The following SLC30A10 variants were observed in gnomAD, a reference collection of about 807,000 sequenced individuals.
SLC30A10 encodes the protein solute carrier family 30 member 10.
Under a neutral mutation model 21.7 loss-of-function variants are expected in SLC30A10, and 8 were observed. That is an observed-to-expected ratio of 0.37 (90% CI 0.22 to 0.67). The LOEUF is 0.67. SLC30A10 is among the 30% of genes least tolerant of loss of function. SLC30A10 has a pLI of 0.58. For missense variants in SLC30A10, 521 were observed against 642.5 expected, an observed-to-expected ratio of 0.81 and a Z score of 2.04; for synonymous variants, 272 against 279.4, an observed-to-expected ratio of 0.97 and a Z score of 0.26.
intron 1 of SLC30A10, 82 bp downstream of exon 1, chr1:219,927,719 A>AGGGCGT: frequency 8.4e-7 from 1 of 1,196,048 alleles, no homozygotes; most frequent in Non-Finnish European, 1.1e-6. Flanking sequence ...GAAGAAAAAG[A>AGGGCGT]GGGCGTGGGG....
chr1:219,940,287 T>C (rs1348023090), intron 1 of SLC30A10, among the ~76,000 whole-genome samples: 6 of 152,148 alleles, frequency 3.9e-5, no homozygotes, highest in African/African-American at 1.2e-4. Context: ...GTCCTATACA[T>C]TGAGACCTTC....
At chr1:219,919,776 C>CA (rs34386881) in intron 2 of SLC30A10, among the ~76,000 whole-genome samples, 2,922 of 114,456 alleles carry the variant, frequency 0.026, 70 homozygotes, top group Admixed American at 0.098. Flanking sequence ...AACTCTGTCT[C>CA]AAAAAAAAAA....
upstream of SLC30A10, among the ~76,000 whole-genome samples, chr1:219,933,356 C>A (rs1312471969): frequency 6.6e-6 from 1 of 152,120 alleles, no homozygotes; most frequent in Admixed American, 6.6e-5. Flanking sequence ...GAGAAAATAC[C>A]AGACTCTAAA....
chr1:219,918,301 G>A lies in SLC30A10; in HGVS notation c.912C>T (p.Ala304=), dbSNP rs1160605661. 6 of 1,614,110 alleles carry A rather than the reference G, an allele frequency of 3.7e-6. No homozygotes were observed. Among genetic ancestry groups the A allele is most frequent in the Non-Finnish European group, 5.1e-6 (6 of 1,180,024 alleles). Reference sequence around the variant, plus strand: ...CTTTTGGGACCATCTGTAGCAGAATGGCAGCGGTCTCCTTGATAAGCGGGA... The same window carrying A: ...CTTTTGGGACCATCTGTAGCAGAATAGCAGCGGTCTCCTTGATAAGCGGGA... ...SAFPLIKETA[A]ILLQMVPKGV... is the part of the protein sequence containing the mutation. Residue 304 remains alanine, a synonymous_variant, in exon 3 of 4, where the codon GCC becomes GCT. Transcript: ENST00000366926. The surrounding 1 kb of genome is among the most constrained non-coding windows in gnomAD (Gnocchi z 4.4).
chr1:219,949,378 C>T (rs552141303), intron 1 of SLC30A10, among the ~76,000 whole-genome samples: 110 of 152,176 alleles, frequency 7.2e-4, no homozygotes, highest in African/African-American at 2.6e-3. Context: ...CAATGATAGA[C>T]TGGATTAAGA....
chr1:219,920,097 A>C (rs1351858769), intron 2 of SLC30A10, among the ~76,000 whole-genome samples: 3 of 152,116 alleles, frequency 2.0e-5, no homozygotes, highest in Admixed American at 6.5e-5. Context: ...AATTTTCCCC[A>C]AAAAAATACA....
intron 1 of SLC30A10, among the ~76,000 whole-genome samples, chr1:219,935,329 A>G (rs1279983003): frequency 6.6e-6 from 1 of 152,222 alleles, no homozygotes; most frequent in African/African-American, 2.4e-5. Flanking sequence ...ATTTCGCCTT[A>G]ATTTTTAGAC....
chr1:219,911,883 G>A lies in SLC30A10; in HGVS notation c.*3566C>T, dbSNP rs1659422580. Among the ~76,000 whole-genome samples, 1 of 151,970 alleles carries A rather than the reference G, an allele frequency of 6.6e-6. No individual in the cohort carries two copies. Among genetic ancestry groups the A allele is most frequent in the African/African-American group, 2.4e-5 (1 of 41,362 alleles). On this transcript the variant is annotated 3_prime_UTR_variant, in exon 4 of 4. Coordinates refer to ENST00000366926, the MANE Select transcript of SLC30A10 (RefSeq NM_018713.3). The stretch of plus-strand genomic sequence containing the variant: ...GGAGACATTGGTTGTCACAACTTCG[G>A]GGGACAGTACCGGCATTTATGCATA...
rs1418323125 is a variant in SLC30A10 at position 219,954,700 on chromosome 1, A to C, written n.80+3868T>G. On this transcript the variant is annotated intron_variant and non_coding_transcript_variant, in intron 1 of 8. Transcript: ENST00000484239. ...CATCTCAAAAAAAAAAAAAAAAAAA[A>C]AAAACTTAAATTCAAAGGAAAGGCA... 2.6e-5 allele frequency among the ~76,000 whole-genome samples: 4 copies of C among 151,980 alleles called. No homozygotes were observed. The South Asian group carries it at 6.2e-4, about 24-fold the overall frequency.
intron 1 of SLC30A10, among the ~76,000 whole-genome samples, chr1:219,941,436 G>A (rs556795045): frequency 6.6e-6 from 1 of 152,148 alleles, no homozygotes; most frequent in Admixed American, 6.6e-5. Flanking sequence ...TGTAGACAGA[G>A]CCCAAAGCAG....
chr1:219,958,495 A>G (rs1298586767), intron 1 of SLC30A10: 3 of 152,608 alleles, frequency 2.0e-5, no homozygotes, highest in African/African-American at 7.2e-5. Context: ...GGATAGCACC[A>G]CAAAGGCCCC....
chr1:219,944,219 G>A (rs548443675), intron 1 of SLC30A10, among the ~76,000 whole-genome samples: 32 of 151,636 alleles, frequency 2.1e-4, no homozygotes, highest in African/African-American at 5.1e-4. Context: ...AGGCCAAGGC[G>A]GGCAGATCAC....
At chr1:219,923,145 T>C (rs1282305399) in intron 2 of SLC30A10, among the ~76,000 whole-genome samples, 1 of 152,206 alleles carries the variant, frequency 6.6e-6, no homozygotes, top group Non-Finnish European at 1.5e-5. Flanking sequence ...GACCATACCC[T>C]GTATGCGGCC....
In SLC30A10 at chr1:219,914,988, T is replaced by G. The variant is rs147167207; in HGVS notation, c.*461A>C. The stretch of plus-strand genomic sequence containing the variant: ...CAGTGCCAGAAATACTTAACTTGCC[T>G]CTTTTATGATCGTTAAGGGGATTGG... On this transcript the variant is annotated 3_prime_UTR_variant, in exon 4 of 4. Coordinates refer to ENST00000366926, the MANE Select transcript of SLC30A10 (RefSeq NM_018713.3). 4 of 154,318 alleles carry G rather than the reference T, an allele frequency of 2.6e-5. No homozygotes were observed. The highest frequency in any genetic ancestry group is 9.6e-5 in the African/African-American group (4 of 41,480). The allele number at this position is 154,318 out of a possible 1,614,324, so 9.6% of individuals were successfully genotyped here.
In SLC30A10 at chr1:219,911,859, G is replaced by A. The variant is rs1659422032; in HGVS notation, c.*3590C>T. On this transcript the variant is annotated 3_prime_UTR_variant, in exon 4 of 4. Coordinates refer to ENST00000366926, the MANE Select transcript of SLC30A10 (RefSeq NM_018713.3). ...CCCAGGTTATATGTGGCAATGTCTG[G>A]AGACATTGGTTGTCACAACTTCGGG... 6.6e-6 allele frequency among the ~76,000 whole-genome samples: 1 copy of A among 151,960 alleles called. No homozygotes were observed. The highest frequency in any genetic ancestry group is 2.4e-5 in the African/African-American group (1 of 41,376).
Position 219,917,708 on chromosome 1 carries a change from C to CT in SLC30A10, c.958+546dup, listed in dbSNP as rs35106027. ...TGCATTCTTTTCTTTTTTTTCTTTC[C>CT]TTTTTTTTTTTTTTTTTTTTGAGTC... On this transcript the variant is annotated intron_variant, in intron 3 of 3. Transcript: ENST00000366926. Among the ~76,000 whole-genome samples, 744 of 104,066 alleles carry CT rather than the reference C, an allele frequency of 7.1e-3. 6 individuals are homozygous for CT. Among genetic ancestry groups the CT allele is most frequent in the East Asian group, 0.012 (45 of 3,822 alleles). 68.3% of individuals were successfully genotyped at this position (104,066 alleles called of 152,430 possible).
In SLC30A10 at chr1:219,928,119, C is replaced by T. The variant is rs1329536880; in HGVS notation, c.322G>A (p.Glu108Lys). The T allele has an allele frequency of 1.4e-5, 22 of 1,569,314 alleles. No homozygotes were observed. The highest frequency in any genetic ancestry group is 1.8e-5 in the Non-Finnish European group (21 of 1,158,152). Residue 108 changes from glutamate to lysine, a missense_variant, in exon 1 of 4, where the codon GAG becomes AAG. Physicochemically the swap from Glu to Lys is moderately conservative, Grantham distance 56. Transcript: ENST00000366926. The surrounding 1 kb of genome is among the most constrained non-coding windows in gnomAD (Gnocchi z 6.3). The stretch of plus-strand genomic sequence containing the variant: ...ACCAGCTCGGGGTCATCGATGCGCT[C>T]GGGCCGGGCCAGGCGCAGCACGGCC... ...VEAVLRLARP[E>K]RIDDPELVLI... is the part of the protein sequence containing the mutation.
chr1:219,917,226 T>A (rs1166520575), intron 3 of SLC30A10, among the ~76,000 whole-genome samples: 3 of 152,120 alleles, frequency 2.0e-5, no homozygotes, highest in African/African-American at 7.2e-5. Flanking sequence ...CCTGGCCTTA[T>A]GCAATCCTTC....
chr1:219,940,756 C>T (rs568993515), intron 1 of SLC30A10, among the ~76,000 whole-genome samples: 2 of 152,190 alleles, frequency 1.3e-5, no homozygotes, highest in African/African-American at 4.8e-5. Flanking sequence ...ACAGGAAGGC[C>T]GAGACTTACT....
Sources: gnomAD v4.1 joint callset for allele counts (sites outside exome capture counted in the v4.1 genomes callset) on GRCh38, gnomAD v4.1.1 for gene constraint, Gnocchi (gnomAD v3.1) non-coding constraint, MANE v1.5 for transcripts, NCBI Gene and HGNC (gene_info 2026-07-23, HGNC 2026-07-21) for gene names.